PCDH11X: variants seen among roughly 807,000 people sequenced by gnomAD.
PCDH11X encodes protocadherin-11 X-linked.
A neutral mutation model predicts 53.3 loss-of-function variants in PCDH11X; 18 were observed. The ratio of observed to expected loss-of-function variants is 0.34; its 90% confidence interval spans 0.23 to 0.50. The LOEUF (loss-of-function observed/expected upper bound fraction) is 0.50. Among genes scored for constraint, PCDH11X ranks in the 20% least tolerant of loss-of-function variants. The pLI is 0.98. For synonymous variants in PCDH11X, 279 were observed against 393.3 expected (o/e 0.71, Z 3.44); for missense variants, 570 against 1,032.4 (o/e 0.55, Z 6.14).
At chrX:92,282,308 G>A (rs2068268110) in intron 8 of PCDH11X, among the ~76,000 whole-genome samples, 1 of 111,374 alleles carries the variant, frequency 9.0e-6, no homozygotes, top group Non-Finnish European at 1.9e-5. Context: ...TCCTAAAAAT[G>A]GATAAGAAAT....
intron 6 of PCDH11X, among the ~76,000 whole-genome samples, chrX:91,937,068 A>G (rs1482911889): frequency 9.1e-6 from 1 of 110,120 alleles, no homozygotes; most frequent in Non-Finnish European, 1.9e-5. Flanking sequence ...ATAGGAATCT[A>G]TTTTCCTAAA....
rs768684122 is a variant in PCDH11X, at chrX:92,126,609, CAAAAAATAAAAAAT to C, written c.3034-74752_3034-74739del. On this transcript the variant is annotated intron_variant, in intron 6 of 10. Transcript: ENST00000682573. Reference sequence around the variant, plus strand: ...GGGCAACAAGAGCAAAACTCTGTCTCAAAAAATAAAAAATAAAAAATAAAAAAATTAAAATAAAT... The same window carrying C: ...GGGCAACAAGAGCAAAACTCTGTCTCAAAAAATAAAAAAATTAAAATAAAT... Among the ~76,000 whole-genome samples the C allele has an allele frequency of 3.4e-3, 357 of 106,519 alleles. 1 individual carries two copies. The highest frequency in any genetic ancestry group is 9.5e-3 in the Middle Eastern group (2 of 211). The allele number at this position is 106,519 out of a possible 115,157, so 92.5% of individuals were successfully genotyped here.
At chrX:92,488,717 G>A (rs1394339236) in intron 10 of PCDH11X, among the ~76,000 whole-genome samples, 4 of 103,693 alleles carry the variant, frequency 3.9e-5, no homozygotes, top group Non-Finnish European at 7.8e-5. Flanking sequence ...AGCTGAATTA[G>A]TCTCAATATA....
Position 92,619,481 on chromosome X carries a change from G to A in PCDH11X, c.*541G>A. 7.6e-6 allele frequency: 1 copy of A among 131,248 alleles called. No individual in the cohort carries two copies. The highest frequency in any genetic ancestry group is 1.5e-5 in the Non-Finnish European group (1 of 66,581). The allele number at this position is 131,248 out of a possible 1,213,427, so 10.8% of individuals were successfully genotyped here. A position where few individuals can be genotyped will look rare whatever the true frequency, so the allele number is the denominator to read the frequency against. On this transcript the variant is annotated 3_prime_UTR_variant, in exon 11 of 11. Coordinates refer to ENST00000682573, the MANE Select transcript of PCDH11X (RefSeq NM_032968.5). ...GAGTCTCCCTTCAAAATACGCAGTA[G>A]GTAGTGTAAATACTGCTTGTTTGTG... is the stretch of plus-strand genomic sequence containing the variant.
intron 8 of PCDH11X, among the ~76,000 whole-genome samples, chrX:92,288,519 G>A (rs901020242): frequency 3.7e-5 from 4 of 109,028 alleles, no homozygotes; most frequent in African/African-American, 1.3e-4. Context: ...CTACAGGCAT[G>A]TGCCACCATG....
intron 10 of PCDH11X, among the ~76,000 whole-genome samples, chrX:92,604,964 A>G (rs1602430599): frequency 1.0e-5 from 1 of 95,978 alleles, no homozygotes; most frequent in South Asian, 4.2e-4. Flanking sequence ...GAAGAGAGAA[A>G]TAGACACTTC....
intron 6 of PCDH11X, among the ~76,000 whole-genome samples, chrX:91,965,710 A>C (rs1361631504): frequency 8.9e-6 from 1 of 112,201 alleles, no homozygotes; most frequent in East Asian, 2.8e-4. Context: ...CAATTAATAA[A>C]ATTCTTTAAA....
chrX:92,269,348 C>T (rs1384326560), intron 8 of PCDH11X, among the ~76,000 whole-genome samples: 1 of 112,029 alleles, frequency 8.9e-6, no homozygotes, highest in African/African-American at 3.2e-5. Flanking sequence ...AAAAATTATA[C>T]TGAAGATTTA....
At chrX:92,221,278 AACACACAC>A (rs58264678) in intron 7 of PCDH11X, among the ~76,000 whole-genome samples, 52,159 of 87,833 alleles carry the variant, frequency 0.59, 13,251 homozygotes, top group Non-Finnish European at 0.73. Context: ...CATTGTATAC[AACACACAC>A]ACACACACAC....
intron 5 of PCDH11X, among the ~76,000 whole-genome samples, chrX:91,873,813 A>G (rs1274918315): frequency 9.0e-6 from 1 of 111,640 alleles, no homozygotes; most frequent in Non-Finnish European, 1.9e-5. Context: ...TTCTTTTTAT[A>G]TTATATTATC....
chrX:92,288,112 T>C (rs1488597660), intron 8 of PCDH11X: 7 of 441,481 alleles, frequency 1.6e-5, no homozygotes, highest in Non-Finnish European at 2.8e-5. Context: ...TAGTTCTTTA[T>C]AGCTGTGTGA....
intron 7 of PCDH11X, among the ~76,000 whole-genome samples, chrX:92,238,809 G>A (rs2067215086): frequency 9.0e-6 from 1 of 111,446 alleles, no homozygotes; most frequent in Admixed American, 9.6e-5. Context: ...TATGAATACT[G>A]CACATTTATT....
intron 8 of PCDH11X, among the ~76,000 whole-genome samples, chrX:92,375,780 C>T (rs989328997): frequency 6.5e-5 from 7 of 108,087 alleles, no homozygotes; most frequent in South Asian, 4.2e-4. Context: ...CCCGCCACCA[C>T]GCCCGGCTAA....
intron 6 of PCDH11X, among the ~76,000 whole-genome samples, chrX:91,952,720 C>T (rs1226640719): frequency 1.8e-5 from 2 of 111,521 alleles, no homozygotes; most frequent in Non-Finnish European, 3.8e-5. Context: ...ATCAGTACAT[C>T]GAAGAGATAA....
chrX:92,449,847 A>G (rs1365771664), intron 9 of PCDH11X, among the ~76,000 whole-genome samples: 1 of 110,903 alleles, frequency 9.0e-6, no homozygotes, highest in Non-Finnish European at 1.9e-5. Flanking sequence ...TGAAAATAGT[A>G]TTTATGTCAG....
In PCDH11X at chrX:92,445,506, A is replaced by G. The variant is rs186623595; in HGVS notation, c.3344-22793A>G. Among the ~76,000 whole-genome samples the G allele has an allele frequency of 4.1e-3, 447 of 107,828 alleles. 6 individuals carry two copies. The East Asian group carries it at 0.042, about 10-fold the overall frequency. The allele number at this position is 107,828 out of a possible 115,157, so 93.6% of individuals were successfully genotyped here. A position where few individuals can be genotyped will look rare whatever the true frequency, so the allele number is the denominator to read the frequency against. On this transcript the variant is annotated intron_variant, in intron 9 of 10. Transcript: ENST00000682573. Reference sequence around the variant, plus strand: ...ATGGATTTTAAGAGTTCACATCAAGAATGCATCATAAATTATGAGGGGTTA... The same window carrying G: ...ATGGATTTTAAGAGTTCACATCAAGGATGCATCATAAATTATGAGGGGTTA...
intron 7 of PCDH11X, among the ~76,000 whole-genome samples, chrX:92,239,851 T>A (rs1001579441): frequency 5.3e-5 from 6 of 112,231 alleles, no homozygotes; most frequent in African/African-American, 1.9e-4. Flanking sequence ...CAATGCTTAT[T>A]ACAGCTGTGA....
At chrX:92,332,747 G>A (rs868202916) in intron 8 of PCDH11X, among the ~76,000 whole-genome samples, 1 of 108,843 alleles carries the variant, frequency 9.2e-6, no homozygotes, top group Non-Finnish European at 1.9e-5. Context: ...AGCAGCAATA[G>A]CAGCAGCAGC....
intron 6 of PCDH11X, among the ~76,000 whole-genome samples, chrX:92,088,472 G>A (rs1161429863): frequency 9.1e-6 from 1 of 110,173 alleles, no homozygotes; most frequent in Non-Finnish European, 1.9e-5. Context: ...GTTGGTCCTT[G>A]AATTATCTGA....
Sources: gnomAD v4.1 joint callset for allele counts (sites outside exome capture counted in the v4.1 genomes callset) on GRCh38, gnomAD v4.1.1 for gene constraint, MANE v1.5 for transcripts, NCBI Gene and HGNC (gene_info 2026-07-23, HGNC 2026-07-21) for gene names.